ACOT9: variants seen among roughly 807,000 people sequenced by gnomAD.
ACOT9 encodes the protein acyl-coenzyme A thioesterase 9, mitochondrial.
A neutral mutation model predicts 39.7 loss-of-function variants in ACOT9; 34 were observed. That is an observed-to-expected ratio of 0.86 (90% CI 0.65 to 1.14). The LOEUF is 1.14. Among genes scored for constraint, ACOT9 ranks in the 50% most tolerant of loss-of-function variants. The pLI is 0.00. For missense variants in ACOT9, 313 were observed against 344.1 expected (o/e 0.91, Z 0.71); for synonymous variants, 110 against 120.5 (o/e 0.91, Z 0.57).
intron 7 of ACOT9, 112 bp downstream of exon 7, chrX:23,722,558 C>T (rs1343826092): frequency 6.4e-6 from 3 of 467,884 alleles, no homozygotes; most frequent in Non-Finnish European, 9.9e-6. Flanking sequence ...GAGCAAAACT[C>T]CGTCTCAAAA....
At chrX:23,706,580 A>AAG in intron 11 of ACOT9, 48 bp downstream of exon 11, 1 of 601,397 alleles carries the variant, frequency 1.7e-6, no homozygotes, top group Non-Finnish European at 2.6e-6. Flanking sequence ...AAAAAAAAAA[A>AAG]GGCCAAGGTT....
intron 6 of ACOT9, among the ~76,000 whole-genome samples, chrX:23,730,237 G>A (rs1241443797): frequency 5.5e-5 from 6 of 108,676 alleles, no homozygotes; most frequent in Non-Finnish European, 1.1e-4. Flanking sequence ...TGGGATTACG[G>A]CGCCCACCAA....
At chrX:23,704,194 G>A (rs1475821026) in intron 15 of ACOT9, among the ~76,000 whole-genome samples, 6 of 85,598 alleles carry the variant, frequency 7.0e-5, no homozygotes, top group Admixed American at 1.4e-4. Context: ...TTTTTGAGAC[G>A]GAGTCTCGCT....
intron 4 of ACOT9, among the ~76,000 whole-genome samples, chrX:23,731,508 AT>A (rs1180705930): frequency 1.8e-5 from 2 of 109,569 alleles, no homozygotes; most frequent in Admixed American, 1.0e-4. Context: ...CTTAAAACTG[AT>A]ATAGATATAC....
chrX:23,709,114 C>T (rs1325283775), intron 9 of ACOT9, among the ~76,000 whole-genome samples: 4 of 111,413 alleles, frequency 3.6e-5, no homozygotes, highest in Non-Finnish European at 5.7e-5. Flanking sequence ...TAAAACAGGC[C>T]GGGGGCAGTG....
At chrX:23,722,840 G>T in intron 6 of ACOT9, 87 bp from the exon 7 acceptor site, 2 of 560,137 alleles carry the variant, frequency 3.6e-6, no homozygotes, top group Non-Finnish European at 5.9e-6. Context: ...TCCATGAAAA[G>T]CCTTGTCTCG....
chrX:23,710,186 C>G (rs1024994331), intron 9 of ACOT9, among the ~76,000 whole-genome samples: 5 of 112,396 alleles, frequency 4.4e-5, no homozygotes. Context: ...CCACCACACC[C>G]AGCTCTCATG....
chrX:23,702,249 G>C lies in ACOT9; in HGVS notation c.*1645C>G, dbSNP rs1928507575. On this transcript the variant is annotated 3_prime_UTR_variant, in exon 16 of 16. Coordinates refer to ENST00000379303, the MANE Select transcript of ACOT9 (RefSeq NM_001037171.2). ...CAAAAAAGGAACGGTCTTGGCTACA[G>C]ATTTTTTTTTTTTTTTTTTTTTGAG... 1 of 84,699 alleles carries C rather than the reference G, an allele frequency of 1.2e-5. No homozygotes were observed. The highest frequency in any genetic ancestry group is 2.3e-5 in the Non-Finnish European group (1 of 43,546). The allele number at this position is 84,699 out of a possible 1,213,427, so 7.0% of individuals were successfully genotyped here. A position where few individuals can be genotyped will look rare whatever the true frequency, so the allele number is the denominator to read the frequency against.
In ACOT9 at chrX:23,706,745, A is replaced by T. The variant is rs1234417955; in HGVS notation, c.731-6T>A. 1.8e-6 allele frequency: 2 copies of T among 1,098,512 alleles called. No homozygotes were observed. The highest frequency in any genetic ancestry group is 2.5e-6 in the Non-Finnish European group (2 of 802,256). 90.5% of individuals were successfully genotyped at this position (1,098,512 alleles called of 1,213,427 possible). A position where few individuals can be genotyped will look rare whatever the true frequency, so the allele number is the denominator to read the frequency against. On this transcript the variant is annotated splice_polypyrimidine_tract_variant and splice_region_variant and intron_variant, in intron 10 of 15. Coordinates refer to ENST00000379303, the MANE Select transcript of ACOT9 (RefSeq NM_001037171.2). ...AATTCTTCTCCCCTTGTTCACTGGA[A>T]CAAGGGAGAATAAGGAGCAATGATC...
chrX:23,743,259 G>T lies in ACOT9; in HGVS notation c.-115C>A. 1 of 954,337 alleles carries T rather than the reference G, an allele frequency of 1.0e-6. No individual in the cohort carries two copies. Among genetic ancestry groups the T allele is most frequent in the Non-Finnish European group, 1.4e-6 (1 of 724,219 alleles). The allele number at this position is 954,337 out of a possible 1,213,427, so 78.6% of individuals were successfully genotyped here. A position where few individuals can be genotyped will look rare whatever the true frequency, so the allele number is the denominator to read the frequency against. On this transcript the variant is annotated 5_prime_UTR_variant, in exon 1 of 16. The change creates a new upstream start codon in the 5' untranslated region. Coordinates refer to ENST00000379303, the MANE Select transcript of ACOT9 (RefSeq NM_001037171.2). ...CCAGACCGCGCCCTTGCTGAGGACAGCCCGGGAGCCGGACAGCGGTGTCCG... is the reference window on the plus strand; with the variant it reads ...CCAGACCGCGCCCTTGCTGAGGACATCCCGGGAGCCGGACAGCGGTGTCCG...
chrX:23,703,776 C>T lies in ACOT9; in HGVS notation c.*118G>A, dbSNP rs1928562338. On this transcript the variant is annotated 3_prime_UTR_variant, in exon 16 of 16. Transcript: ENST00000379303. ...TTCTGATCATCCTAAAGGCTGAATA[C>T]ATCCTCCTCCTGTGTGGAGGACACG... 1.8e-6 allele frequency: 1 copy of T among 544,841 alleles called. No individual in the cohort carries two copies. Among genetic ancestry groups the T allele is most frequent in the Non-Finnish European group, 3.0e-6 (1 of 328,019 alleles). 44.9% of individuals were successfully genotyped at this position (544,841 alleles called of 1,213,427 possible). A position where few individuals can be genotyped will look rare whatever the true frequency, so the allele number is the denominator to read the frequency against.
At chrX:23,706,958 T>G (rs1235173200) in intron 10 of ACOT9, 2 of 299,733 alleles carry the variant, frequency 6.7e-6, no homozygotes, top group Non-Finnish European at 1.2e-5. Flanking sequence ...TCCAGAGCCC[T>G]GACCTGCAGT....
chrX:23,741,790 C>T (rs1341370519), intron 1 of ACOT9, among the ~76,000 whole-genome samples: 2 of 49,081 alleles, frequency 4.1e-5, no homozygotes, highest in East Asian at 1.6e-3. Flanking sequence ...TCTCCTGCCT[C>T]AGCCTCCAAA....
chrX:23,731,071 C>G, intron 4 of ACOT9, 85 bp from the exon 5 acceptor site: 2 of 826,270 alleles, frequency 2.4e-6, no homozygotes, highest in Non-Finnish European at 3.4e-6. Flanking sequence ...AAGATACCAT[C>G]AAAGGAGGAA....
chrX:23,741,779 T>C (rs1160350327), intron 1 of ACOT9, among the ~76,000 whole-genome samples: 1 of 61,576 alleles, frequency 1.6e-5, no homozygotes, highest in Non-Finnish European at 2.7e-5. Flanking sequence ...GTTCAGGCGA[T>C]TCTCCTGCCT....
rs763504995 is a variant in ACOT9 at position 23,722,647 on chromosome X, G to A, written c.484+23C>T. 3.4e-5 allele frequency: 34 copies of A among 1,006,406 alleles called. No homozygotes were observed. The South Asian group carries it at 3.7e-4, about 11-fold the overall frequency. 82.9% of individuals were successfully genotyped at this position (1,006,406 alleles called of 1,213,427 possible). On this transcript the variant is annotated intron_variant, in intron 7 of 15. Transcript: ENST00000379303. ...TGAAATTACTAAGAATTCTAAGTATGCATAGAAAATGATATCACTTACCAA... is the reference window on the plus strand; with the variant it reads ...TGAAATTACTAAGAATTCTAAGTATACATAGAAAATGATATCACTTACCAA...
chrX:23,742,046 T>C (rs1920970803), intron 1 of ACOT9, among the ~76,000 whole-genome samples: 1 of 111,071 alleles, frequency 9.0e-6, no homozygotes, highest in South Asian at 3.7e-4. Flanking sequence ...GGAGCTTTTG[T>C]AGAAGACCTT....
At chrX:23,720,097 T>C (rs1929261622) in intron 8 of ACOT9, among the ~76,000 whole-genome samples, 1 of 112,842 alleles carries the variant, frequency 8.9e-6, no homozygotes, top group Non-Finnish European at 1.9e-5. Flanking sequence ...CCTCCCAAAG[T>C]GCTGGGATTA....
chrX:23,737,535 CAG>C (rs1309614129), intron 1 of ACOT9, among the ~76,000 whole-genome samples: 68 of 112,263 alleles, frequency 6.1e-4, no homozygotes, highest in African/African-American at 2.1e-3. Flanking sequence ...TCAGTATTTA[CAG>C]TATTCTGTAA....
Sources: gnomAD v4.1 joint callset for allele counts (sites outside exome capture counted in the v4.1 genomes callset) on GRCh38, gnomAD v4.1.1 for gene constraint, MANE v1.5 for transcripts, NCBI Gene and HGNC (gene_info 2026-07-23, HGNC 2026-07-21) for gene names.